LRTM3: variants seen among roughly 807,000 people sequenced by gnomAD.
The protein encoded by LRTM3 is leucine rich repeat transmembrane protein 3.
chr13:102,749,419 TA>T, the LRTM3 span: 1 of 1,551,402 alleles, frequency 6.4e-7, no homozygotes, highest in Admixed American at 2.0e-5. Flanking sequence ...GATTCAGAGT[TA>T]AAACGAGAAA....
the LRTM3 span, chr13:102,745,320 T>C: frequency 6.4e-7 from 1 of 1,550,706 alleles, no homozygotes; most frequent in Non-Finnish European, 8.7e-7. Flanking sequence ...TGTGGAGATG[T>C]ATCTTGCTTT....
the LRTM3 span, chr13:102,739,279 C>T: frequency 1.9e-6 from 3 of 1,549,702 alleles, no homozygotes; most frequent in Admixed American, 2.0e-5. Context: ...ATTTGAGGCC[C>T]ATTACATCTT....
At chr13:102,730,163 C>T in the LRTM3 span, 4 of 1,550,104 alleles carry the variant, frequency 2.6e-6, no homozygotes, top group Admixed American at 3.9e-5. Context: ...TCTGCACTCT[C>T]TAGTACAATG....
chr13:102,732,626 A>G, the LRTM3 span: 1 of 1,551,098 alleles, frequency 6.4e-7, no homozygotes, highest in East Asian at 2.4e-5. Context: ...ATGAGTGATG[A>G]CTTGAGTCTT....
the LRTM3 span, chr13:102,737,260 A>G: frequency 1.3e-6 from 2 of 1,551,092 alleles, no homozygotes; most frequent in South Asian, 2.4e-5. Context: ...AAGACTTTGT[A>G]TGTGCTATTT....
chr13:102,758,514 A>T, the LRTM3 span: 1 of 1,540,512 alleles, frequency 6.5e-7, no homozygotes, highest in East Asian at 2.5e-5. Flanking sequence ...CAAGTTTTAT[A>T]TTAAAATGTG....
the LRTM3 span, among the ~76,000 whole-genome samples, chr13:102,752,886 T>C: frequency 2.0e-5 from 3 of 152,338 alleles, no homozygotes; most frequent in Middle Eastern, 0.01. Flanking sequence ...AGTTAACTTA[T>C]TTATAACTGA....
chr13:102,739,004 C>T, the LRTM3 span: 2 of 1,550,432 alleles, frequency 1.3e-6, no homozygotes, highest in Admixed American at 2.0e-5. Context: ...TGGCTGCTCA[C>T]ATTTTTCCAT....
the LRTM3 span, chr13:102,744,358 A>T: frequency 6.4e-7 from 1 of 1,550,394 alleles, no homozygotes. Flanking sequence ...GATTCCATGC[A>T]GTTTTCTCAG....
the LRTM3 span, chr13:102,747,726 T>C: frequency 6.4e-7 from 1 of 1,551,222 alleles, no homozygotes; most frequent in Non-Finnish European, 8.7e-7. Flanking sequence ...TCTGTAGGTC[T>C]ATCTGTGCTT....
chr13:102,730,324 C>T, the LRTM3 span: 1 of 1,551,300 alleles, frequency 6.4e-7, no homozygotes, highest in East Asian at 2.4e-5. Flanking sequence ...ATTCCTCACT[C>T]TCACTTACTT....
chr13:102,740,861 T>TGAA, the LRTM3 span: 5 of 1,549,978 alleles, frequency 3.2e-6, no homozygotes, highest in Non-Finnish European at 4.4e-6. Flanking sequence ...TGACTTAATC[T>TGAA]GAAGTACGTC....
the LRTM3 span, chr13:102,740,734 G>T: frequency 6.5e-7 from 1 of 1,548,464 alleles, no homozygotes; most frequent in Non-Finnish European, 8.7e-7. Context: ...GAAGAGCCTT[G>T]TATGTATATT....
At chr13:102,738,878 A>C in the LRTM3 span, 6 of 1,550,558 alleles carry the variant, frequency 3.9e-6, no homozygotes, top group Non-Finnish European at 5.2e-6. Flanking sequence ...AGGCTGCTTC[A>C]CCTCCAAAGC....
the LRTM3 span, chr13:102,758,834 A>G: frequency 1.9e-6 from 3 of 1,550,214 alleles, no homozygotes; most frequent in Non-Finnish European, 2.6e-6. Flanking sequence ...AATCATTTTG[A>G]ATAATCCAGG....
chr13:102,739,091 C>T, the LRTM3 span: 1 of 1,550,400 alleles, frequency 6.4e-7, no homozygotes, highest in Non-Finnish European at 8.7e-7. Flanking sequence ...CTCTTTTATT[C>T]TAGGATTCCA....
At chr13:102,743,310 C>T in the LRTM3 span, 12 of 1,550,280 alleles carry the variant, frequency 7.7e-6, no homozygotes, top group Admixed American at 2.0e-4. Context: ...ATGTCTATCT[C>T]TGTTTGGAAT....
chr13:102,740,950 CA>C, the LRTM3 span: 1 of 1,550,108 alleles, frequency 6.5e-7, no homozygotes, highest in Non-Finnish European at 8.7e-7. Flanking sequence ...CTTTAATATT[CA>C]AATGTATTCC....
At chr13:102,741,926 C>T in the LRTM3 span, 233 of 1,550,424 alleles carry the variant, frequency 1.5e-4, 3 homozygotes, top group African/African-American at 2.7e-3. Context: ...TTCTGAAATG[C>T]TTTGGTGTTT....
Sources: gnomAD v4.1 joint callset for allele counts (sites outside exome capture counted in the v4.1 genomes callset) on GRCh38, gnomAD v4.1.1 for gene constraint, MANE v1.5 for transcripts, NCBI Gene and HGNC (gene_info 2026-07-23, HGNC 2026-07-21) for gene names.